The following CALB1 variants were observed in gnomAD, a reference collection of about 807,000 sequenced individuals.
CALB1 encodes the protein calbindin 1.
Under a neutral mutation model 46.7 loss-of-function variants are expected in CALB1, and 16 were observed. The ratio of observed to expected loss-of-function variants is 0.34; its 90% CI spans 0.23 to 0.52. CALB1 has a LOEUF of 0.52. Among genes scored for constraint, CALB1 ranks in the 20% least tolerant of loss-of-function variants. The probability of loss-of-function intolerance (pLI) is 0.95; values close to 1 mark genes in which losing one functional copy is unlikely to be tolerated. For synonymous variants in CALB1, 90 were observed against 112.8 expected (o/e 0.80, Z 1.28); for missense variants, 224 against 300.3 (o/e 0.75, Z 1.88).
intron 3 of CALB1, among the ~76,000 whole-genome samples, chr8:90,069,559 A>AAGTGTTCTATGCCAGAGATT (rs1814463034): frequency 6.6e-6 from 1 of 152,184 alleles, no homozygotes; most frequent in Middle Eastern, 3.4e-3. Context: ...TGAACCCTTC[A>AAGTGTTCTATGCCAGAGATT]AGTGTTCTAT....
intron 1 of CALB1, 63 bp downstream of exon 1, chr8:90,082,556 G>T: frequency 1.5e-6 from 2 of 1,332,514 alleles, no homozygotes; most frequent in Non-Finnish European, 2.2e-6. Context: ...CTCAGAAAAG[G>T]GCAAAGAATG....
chr8:90,078,124 C>T (rs1426183284), intron 3 of CALB1, among the ~76,000 whole-genome samples: 2 of 152,062 alleles, frequency 1.3e-5, no homozygotes, highest in Admixed American at 6.6e-5. Flanking sequence ...CAGAGGCAAA[C>T]AATTTTGTTT....
chr8:90,071,696 T>C lies in CALB1; in HGVS notation c.232-2459A>G, dbSNP rs544463116. Among the ~76,000 whole-genome samples the C allele has an allele frequency of 2.6e-5, 4 of 152,212 alleles. No individual in the cohort carries two copies. In the South Asian group the frequency reaches 8.3e-4, roughly 32 times the overall value. On this transcript the variant is annotated intron_variant, in intron 3 of 10. Transcript: ENST00000265431. ...ACATTTTGAGGGAAAGATTGAACAA[T>C]GGAAATGGATGTTATGTATACATTT...
chr8:90,070,331 C>T (rs1814488080), intron 3 of CALB1, among the ~76,000 whole-genome samples: 1 of 152,162 alleles, frequency 6.6e-6, no homozygotes, highest in Non-Finnish European at 1.5e-5. Flanking sequence ...CATGGACGGA[C>T]CCTCATCCGT....
chr8:90,065,883 C>T lies in CALB1; in HGVS notation c.450+15G>A. ...CATGAGCTCTTGGGTACAATCTTTT[C>T]AAGATCAGTCTTACCATTAGGTCTG... is the stretch of plus-strand genomic sequence containing the variant. On this transcript the variant is annotated intron_variant, in intron 6 of 10. Coordinates refer to ENST00000265431, the MANE Select transcript of CALB1 (RefSeq NM_004929.4). 2 of 1,557,088 alleles carry T rather than the reference C, an allele frequency of 1.3e-6. No individual in the cohort carries two copies. Among genetic ancestry groups the T allele is most frequent in the Non-Finnish European group, 1.8e-6 (2 of 1,128,938 alleles).
intron 2 of CALB1, among the ~76,000 whole-genome samples, chr8:90,080,327 A>T (rs532799501): frequency 6.6e-6 from 1 of 152,064 alleles, no homozygotes; most frequent in South Asian, 2.1e-4. Flanking sequence ...ATATTTTTTT[A>T]AAGTTCATGA....
rs764575128 is a variant in CALB1, at chr8:90,069,199, C to T, written c.270G>A (p.Leu90=). The change falls in exon 4 of 11, where the codon CTG becomes CTA. Residue 90 remains leucine (L), a synonymous_variant. Transcript: ENST00000265431. ...ACTTCAGCTGCTGGCATCGGAAGAG[C>T]AGCAGGAAATTCTCTTCTGTGGGTA... ...HVLPTEENFL[L]LFRCQQLKSC... The T allele has an allele frequency of 1.2e-6, 2 of 1,614,038 alleles. No individual in the cohort carries two copies. Among genetic ancestry groups the T allele is most frequent in the Non-Finnish European group, 1.7e-6 (2 of 1,179,938 alleles).
At chr8:90,077,988 C>T (rs1172430956) in intron 3 of CALB1, among the ~76,000 whole-genome samples, 1 of 152,010 alleles carries the variant, frequency 6.6e-6, no homozygotes, top group African/African-American at 2.4e-5. Flanking sequence ...ATAAGAAATA[C>T]TGATGGACCA....
intron 3 of CALB1, among the ~76,000 whole-genome samples, chr8:90,075,874 T>C (rs1814615041): frequency 6.6e-6 from 1 of 152,068 alleles, no homozygotes; most frequent in Non-Finnish European, 1.5e-5. Flanking sequence ...TCTTGGCTGA[T>C]AACTAAGATT....
intron 5 of CALB1, among the ~76,000 whole-genome samples, chr8:90,068,460 G>A (rs559294096): frequency 6.6e-6 from 1 of 152,296 alleles, no homozygotes; most frequent in African/African-American, 2.4e-5. Flanking sequence ...CTTGGAGGCA[G>A]ACAAGCCTGG....
In CALB1 at chr8:90,059,537, T is replaced by C. The variant is rs942959518; in HGVS notation, c.*636A>G. The C allele has an allele frequency of 6.6e-6, 1 of 152,174 alleles. No individual in the cohort carries two copies. Among genetic ancestry groups the C allele is most frequent in the Non-Finnish European group, 1.5e-5 (1 of 68,030 alleles). The allele number at this position is 152,174 out of a possible 1,614,324, so 9.4% of individuals were successfully genotyped here. A position where few individuals can be genotyped will look rare whatever the true frequency, so the allele number is the denominator to read the frequency against. On this transcript the variant is annotated 3_prime_UTR_variant, in exon 11 of 11. Transcript: ENST00000265431. ...AAATACAGGCATAGAATCAGACAGA[T>C]TTATGTGTCATCTGGTGCTCCCTTC... is the stretch of plus-strand genomic sequence containing the variant.
intron 3 of CALB1, among the ~76,000 whole-genome samples, chr8:90,077,328 A>G (rs1325221279): frequency 8.6e-5 from 13 of 152,014 alleles, no homozygotes; most frequent in Non-Finnish European, 4.4e-5. Context: ...CAGCTGTTTA[A>G]AAATAAGTGT....
In CALB1 at chr8:90,078,441, A is replaced by G; in HGVS notation, c.163T>C (p.Ser55Pro). The G allele has an allele frequency of 6.5e-7, 1 of 1,548,558 alleles. No homozygotes were observed. ...QARKKAGLEL[S>P]PEMKTFVDQY... is the part of the protein sequence containing the mutation. Reference sequence around the variant, plus strand: ...TCCACAAAAGTTTTCATTTCAGGTGATAACTCCTAAAATTATATAAAAGCA... The same window carrying G: ...TCCACAAAAGTTTTCATTTCAGGTGGTAACTCCTAAAATTATATAAAAGCA... Residue 55 changes from serine to proline, a missense_variant, in exon 3 of 11, where the codon TCA (serine) becomes CCA (proline). By Grantham distance (74) the Ser-to-Pro change is moderately conservative. Coordinates refer to ENST00000265431, the MANE Select transcript of CALB1 (RefSeq NM_004929.4).
chr8:90,067,490 T>A (rs1226290633), intron 5 of CALB1, among the ~76,000 whole-genome samples: 1 of 152,184 alleles, frequency 6.6e-6, no homozygotes, highest in Non-Finnish European at 1.5e-5. Context: ...CACAGTGGCT[T>A]AACTGTCACC....
In CALB1 at chr8:90,077,046, T is replaced by G. The variant is rs531136548; in HGVS notation, c.231+1327A>C. Among the ~76,000 whole-genome samples, 4 of 152,138 alleles carry G rather than the reference T, an allele frequency of 2.6e-5. No homozygotes were observed. In the South Asian group the frequency reaches 8.3e-4, roughly 32 times the overall value. The stretch of plus-strand genomic sequence containing the variant: ...GTATGTCAAACTCTAAAAGAGCCAA[T>G]CCGTAATTTCACTGATGTCATATTT... On this transcript the variant is annotated intron_variant, in intron 3 of 10. Coordinates refer to ENST00000265431, the MANE Select transcript of CALB1 (RefSeq NM_004929.4).
Position 90,082,574 on chromosome 8 carries a change from G to T in CALB1, c.79+45C>A, listed in dbSNP as rs938544597. On this transcript the variant is annotated intron_variant, in intron 1 of 10. Transcript: ENST00000265431. The stretch of plus-strand genomic sequence containing the variant: ...AGAAAAGGGCAAAGAATGGGAAGGG[G>T]CATGGAAACGGGTCTTGAAACAGTT... 3 of 1,455,506 alleles carry T rather than the reference G, an allele frequency of 2.1e-6. No individual in the cohort carries two copies. In the African/African-American group the frequency reaches 4.2e-5, roughly 20 times the overall value. The allele number at this position is 1,455,506 out of a possible 1,614,324, so 90.2% of individuals were successfully genotyped here. A position where few individuals can be genotyped will look rare whatever the true frequency, so the allele number is the denominator to read the frequency against.
In CALB1 at chr8:90,076,904, C is replaced by G. The variant is rs541441751; in HGVS notation, c.231+1469G>C. Reference sequence around the variant, plus strand: ...TGAATCAGATCAATGCCTTTTACTGCACAATCTAGTATCACTGAAGAAATG... The same window carrying G: ...TGAATCAGATCAATGCCTTTTACTGGACAATCTAGTATCACTGAAGAAATG... On this transcript the variant is annotated intron_variant, in intron 3 of 10. Transcript: ENST00000265431. Among the ~76,000 whole-genome samples, 10 of 151,956 alleles carry G rather than the reference C, an allele frequency of 6.6e-5. No homozygotes were observed. The South Asian group carries it at 1.9e-3, about 28-fold the overall frequency.
In CALB1 at chr8:90,068,909, T is replaced by C; in HGVS notation, c.372+89A>G. The C allele has an allele frequency of 4.6e-6, 4 of 874,764 alleles. 1 individual carries two copies. The South Asian group carries it at 4.9e-5, about 11-fold the overall frequency. 54.2% of individuals were successfully genotyped at this position (874,764 alleles called of 1,614,324 possible). On this transcript the variant is annotated intron_variant, in intron 5 of 10. Transcript: ENST00000265431. ...TGACACTGTTCAACATTAGTTTCTT[T>C]TGTGGGAGGTTTTTTAAAAAGCTAG...
chr8:90,072,626 G>T (rs192777279), intron 3 of CALB1, among the ~76,000 whole-genome samples: 30 of 152,180 alleles, frequency 2.0e-4, no homozygotes, highest in Admixed American at 1.9e-3. Flanking sequence ...CTCTCAATGC[G>T]TATGAATCAA....
Sources: allele counts gnomAD v4.1 joint callset (sites outside exome capture counted in the v4.1 genomes callset), GRCh38; gene constraint gnomAD v4.1.1; transcripts MANE v1.5; gene names NCBI Gene and HGNC (gene_info 2026-07-23, HGNC 2026-07-21).